Variants in CACNG7 observed in about 807,000 individuals in gnomAD.
CACNG7 encodes voltage-dependent calcium channel gamma-7 subunit.
A neutral mutation model predicts 26.3 loss-of-function variants in CACNG7; 9 were observed. That is an observed-to-expected ratio of 0.34 (90% confidence interval 0.21 to 0.60). The LOEUF is 0.60. Ranked by LOEUF, CACNG7 falls within the 20% of genes least tolerant of loss-of-function variation. CACNG7 has a pLI of 0.81. For missense variants in CACNG7, 297 were observed against 380.4 expected (o/e 0.78, Z 1.82); for synonymous variants, 170 against 157.0 (o/e 1.08, Z -0.62).
chr19:53,931,195 C>CTAAA (rs775987213), intron 4 of CACNG7, among the ~76,000 whole-genome samples: 5 of 152,164 alleles, frequency 3.3e-5, no homozygotes, highest in Non-Finnish European at 4.4e-5. Context: ...GATCTTGTCT[C>CTAAA]TAAATAAATA....
Position 53,925,161 on chromosome 19 carries a change from AGGTCTGGTCATTGGTGAAGT to A in CACNG7, c.424+9657_424+9676del, listed in dbSNP as rs1410975425. 5.6e-3 allele frequency among the ~76,000 whole-genome samples: 569 copies of A among 101,996 alleles called. 40 individuals are homozygous for A. The highest frequency in any genetic ancestry group is 0.025 in the African/African-American group (516 of 20,248). The allele number at this position is 101,996 out of a possible 152,430, so 66.9% of individuals were successfully genotyped here. A position where few individuals can be genotyped will look rare whatever the true frequency, so the allele number is the denominator to read the frequency against. On this transcript the variant is annotated intron_variant, in intron 4 of 5. Transcript: ENST00000391767. Reference sequence around the variant, plus strand: ...GGCTGGTCATTGGTGGACTTGCCCCAGGTCTGGTCATTGGTGAAGTTGCCCCAGGTCTGGTCATTGGTGGA... The same window carrying A: ...GGCTGGTCATTGGTGGACTTGCCCCATGCCCCAGGTCTGGTCATTGGTGGA...
At chr19:53,922,779 CGTCATTGGTGGAGTTGCCCCAGGTCTG>C (rs1348440363) in intron 4 of CACNG7, among the ~76,000 whole-genome samples, 4 of 22,228 alleles carry the variant, frequency 1.8e-4, no homozygotes, top group Non-Finnish European at 2.6e-4. Context: ...GTCCCAGGCT[CGTCATTGGTGGAGTTGCCCCAGGTCTG>C]GTCATTGGTG....
Position 53,939,377 on chromosome 19 carries a change from T to G in CACNG7, c.425-2093T>G, listed in dbSNP as rs977138856. ...TGTGCAACCATCTCCATTAGCTAAT[T>G]TCACAACATTTTCATTATTCTCAAA... On this transcript the variant is annotated intron_variant, in intron 4 of 5. Transcript: ENST00000391767. The surrounding 1 kb of genome is among the most constrained non-coding windows in gnomAD (Gnocchi z 4.2). Among the ~76,000 whole-genome samples, 9 of 152,146 alleles carry G rather than the reference T, an allele frequency of 5.9e-5. No individual in the cohort carries two copies. Among genetic ancestry groups the G allele is most frequent in the Non-Finnish European group, 1.0e-4 (7 of 68,022 alleles).
intron 4 of CACNG7, among the ~76,000 whole-genome samples, chr19:53,933,821 T>C (rs907546628): frequency 6.6e-6 from 1 of 152,114 alleles, no homozygotes; most frequent in Non-Finnish European, 1.5e-5. Flanking sequence ...CTCCATGTCA[T>C]CGTTTTTCTG....
chr19:53,934,891 G>C (rs1369985810), intron 4 of CACNG7, among the ~76,000 whole-genome samples: 2 of 151,624 alleles, frequency 1.3e-5, no homozygotes, highest in African/African-American at 4.9e-5. Flanking sequence ...GAAAATTTAA[G>C]ACTACAGGAC....
chr19:53,921,722 G>T (rs1282305525), intron 4 of CACNG7, among the ~76,000 whole-genome samples: 1 of 99,208 alleles, frequency 1.0e-5, no homozygotes, highest in Non-Finnish European at 1.8e-5. Context: ...GCTGTCCCAG[G>T]CTGGTCATTG....
chr19:53,931,685 T>TA (rs747430354), intron 4 of CACNG7, among the ~76,000 whole-genome samples: 1,981 of 44,498 alleles, frequency 0.045, 110 homozygotes, highest in East Asian at 0.21. Context: ...AGACTCTGTC[T>TA]AAAAAAAAAA....
intron 4 of CACNG7, among the ~76,000 whole-genome samples, chr19:53,920,054 CTTGCCCCAGGCTGGTCATTGGTGGAG>C (rs1599972765): frequency 3.1e-5 from 3 of 96,974 alleles, no homozygotes; most frequent in East Asian, 3.3e-4. Context: ...CATTGGTGGA[CTTGCCCCAGGCTGGTCATTGGTGGAG>C]TTGCCCCAGG....
In CACNG7 at chr19:53,909,541, G is replaced by A. The variant is rs1347270617; in HGVS notation, c.-30+24G>A. 2 of 152,712 alleles carry A rather than the reference G, an allele frequency of 1.3e-5. No homozygotes were observed. Among genetic ancestry groups the A allele is most frequent in the African/African-American group, 4.8e-5 (2 of 41,450 alleles). 9.5% of individuals were successfully genotyped at this position (152,712 alleles called of 1,614,324 possible). A position where few individuals can be genotyped will look rare whatever the true frequency, so the allele number is the denominator to read the frequency against. On this transcript the variant is annotated intron_variant, in intron 1 of 5. Coordinates refer to ENST00000391767, the MANE Select transcript of CACNG7 (RefSeq NM_031896.5). The surrounding 1 kb of genome is among the most constrained non-coding windows in gnomAD (Gnocchi z 5.1). ...AGGTGAGCGCTAGCGGAGGGTCCTG[G>A]GAGGAAGAAGGGGCGCCCCTCGAGG...
chr19:53,925,576 G>GGACTTGCCCCAGGCTGGTCATTGGTT (rs2069023354), intron 4 of CACNG7, among the ~76,000 whole-genome samples: 1 of 152,156 alleles, frequency 6.6e-6, no homozygotes, highest in African/African-American at 2.4e-5. Flanking sequence ...GGTCATTGGT[G>GGACTTGCCCCAGGCTGGTCATTGGTT]GACTTGCCCC....
intron 1 of CACNG7, among the ~76,000 whole-genome samples, chr19:53,911,233 T>C (rs557846268): frequency 6.6e-6 from 1 of 152,012 alleles, no homozygotes; most frequent in South Asian, 2.1e-4. Context: ...GCCCGGCTAA[T>C]TTTTGTATTT....
Position 53,916,490 on chromosome 19 carries a change from T to TC in CACNG7, c.424+985_424+986insC, listed in dbSNP as rs201282984. 4.5e-3 allele frequency among the ~76,000 whole-genome samples: 442 copies of TC among 98,784 alleles called. 12 individuals are homozygous for TC. Among genetic ancestry groups the TC allele is most frequent in the Non-Finnish European group, 6.2e-3 (283 of 45,564 alleles). 64.8% of individuals were successfully genotyped at this position (98,784 alleles called of 152,430 possible). ...GCAATGCCTTTTTTCTTTCTTTCTT[T>TC]TTTTTTTTTTTTTTTTTGACTGAGT... On this transcript the variant is annotated intron_variant, in intron 4 of 5. Coordinates refer to ENST00000391767, the MANE Select transcript of CACNG7 (RefSeq NM_031896.5).
At chr19:53,925,756 T>A (rs926279275) in intron 4 of CACNG7, among the ~76,000 whole-genome samples, 7 of 152,302 alleles carry the variant, frequency 4.6e-5, no homozygotes, top group African/African-American at 1.7e-4. Context: ...AGACTGGAAA[T>A]GTACAAACTG....
At chr19:53,934,546 G>A (rs941289557) in intron 4 of CACNG7, among the ~76,000 whole-genome samples, 6 of 151,958 alleles carry the variant, frequency 3.9e-5, no homozygotes, top group African/African-American at 1.2e-4. Flanking sequence ...ATTCCGAGGC[G>A]AGAGGATTGC....
rs1013507615 is a variant in CACNG7 at position 53,911,705 on chromosome 19, AC to A, written c.-29-1097del. 1.3e-4 allele frequency among the ~76,000 whole-genome samples: 20 copies of A among 152,218 alleles called. 1 individual carries two copies. The highest frequency in any genetic ancestry group is 3.2e-3 in the Middle Eastern group (1 of 316). On this transcript the variant is annotated intron_variant, in intron 1 of 5. Transcript: ENST00000391767. ...GGTGATGGTGCCCGTTTCCGAACCC[AC>A]AGGGCTGCGAGAGGACCAGGCAGCT...
intron 4 of CACNG7, among the ~76,000 whole-genome samples, chr19:53,935,988 T>G (rs2069102926): frequency 6.6e-6 from 1 of 151,928 alleles, no homozygotes; most frequent in Admixed American, 6.6e-5. Context: ...GAATCCAATC[T>G]AAGATCACGC....
intron 4 of CACNG7, 74 bp from the exon 5 acceptor site, chr19:53,941,396 G>C: frequency 6.9e-7 from 1 of 1,444,070 alleles, no homozygotes; most frequent in South Asian, 1.6e-5. Flanking sequence ...GGAGGGGAAG[G>C]CAGTGAGGTG....
intron 5 of CACNG7, 151 bp downstream of exon 5, chr19:53,941,766 A>T: frequency 9.7e-7 from 1 of 1,028,974 alleles, no homozygotes; most frequent in Non-Finnish European, 1.4e-6. Flanking sequence ...TGGGTCCTGG[A>T]GGAAGAGGGG....
In CACNG7 at chr19:53,943,748, T is replaced by A. The variant is rs549257340; in HGVS notation, c.*1455T>A. 1 of 152,124 alleles carries A rather than the reference T, an allele frequency of 6.6e-6. No homozygotes were observed. Among genetic ancestry groups the A allele is most frequent in the Admixed American group, 6.5e-5 (1 of 15,270 alleles). 9.4% of individuals were successfully genotyped at this position (152,124 alleles called of 1,614,324 possible). On this transcript the variant is annotated 3_prime_UTR_variant, in exon 6 of 6. Transcript: ENST00000391767. ...GCCTGCCCGGAGGGAAGGGATTGGA[T>A]AGAGGGGGCTTAGTCTGGGTCTCTG... is the stretch of plus-strand genomic sequence containing the variant.
Sources: allele counts gnomAD v4.1 joint callset (sites outside exome capture counted in the v4.1 genomes callset), GRCh38; gene constraint gnomAD v4.1.1; non-coding constraint Gnocchi (gnomAD v3.1); transcripts MANE v1.5; gene names NCBI Gene and HGNC (gene_info 2026-07-23, HGNC 2026-07-21).